The following TMTC1 variants were observed in gnomAD, a reference collection of about 807,000 sequenced individuals.
The protein encoded by TMTC1 is protein O-mannosyl-transferase TMTC1.
A neutral mutation model predicts 104.8 loss-of-function variants in TMTC1; 73 were observed. The observed-to-expected ratio is 0.70, with a 90% CI of 0.58 to 0.85. The LOEUF (loss-of-function observed/expected upper bound fraction) is 0.85. Among genes scored for constraint, TMTC1 ranks in the 40% least tolerant of loss-of-function variants. The probability of loss-of-function intolerance (pLI) is 0.00; values close to 1 mark genes in which losing one functional copy is unlikely to be tolerated. For synonymous variants in TMTC1, 434 were observed against 428.7 expected (o/e 1.01, Z -0.15); for missense variants, 1,035 against 1,096.1 (o/e 0.94, Z 0.79).
At chr12:29,722,285 A>C (rs553735777) in intron 5 of TMTC1, among the ~76,000 whole-genome samples, 13 of 152,288 alleles carry the variant, frequency 8.5e-5, no homozygotes, top group Admixed American at 5.2e-4. Context: ...CATCCACAAA[A>C]GAGCGGTGGT....
intron 5 of TMTC1, among the ~76,000 whole-genome samples, chr12:29,673,800 C>T (rs1479859048): frequency 3.5e-5 from 5 of 141,762 alleles, no homozygotes; most frequent in Non-Finnish European, 6.0e-5. Context: ...GCTCTTGCTG[C>T]CCAGGCTGGG....
rs527907885 is a variant in TMTC1, at chr12:29,587,959, A to G, written c.1251-4385T>C. Among the ~76,000 whole-genome samples the G allele has an allele frequency of 1.2e-4, 18 of 152,298 alleles. No individual in the cohort carries two copies. In the South Asian group the frequency reaches 3.7e-3, roughly 32 times the overall value. On this transcript the variant is annotated intron_variant, in intron 7 of 17. Coordinates refer to ENST00000539277, the MANE Select transcript of TMTC1 (RefSeq NM_001193451.2). The stretch of plus-strand genomic sequence containing the variant: ...TTTTTCTCCATCTTCTGTTCTCTGT[A>G]TCAAGAGCAGAAAAACAAGAGAGAG...
chr12:29,556,084 T>C (rs1945238082), intron 10 of TMTC1, among the ~76,000 whole-genome samples: 1 of 151,986 alleles, frequency 6.6e-6, no homozygotes, highest in African/African-American at 2.4e-5. Flanking sequence ...CTAAATTCCA[T>C]AACTACCACC....
At chr12:29,676,566 C>T (rs1425749930) in intron 5 of TMTC1, among the ~76,000 whole-genome samples, 3 of 152,200 alleles carry the variant, frequency 2.0e-5, no homozygotes, top group Non-Finnish European at 2.9e-5. Context: ...TGCCTGCATT[C>T]CTGCCATAGT....
chr12:29,682,972 G>T (rs1330212254), intron 5 of TMTC1, among the ~76,000 whole-genome samples: 1 of 152,116 alleles, frequency 6.6e-6, no homozygotes, highest in Non-Finnish European at 1.5e-5. Flanking sequence ...CTGAACAAAG[G>T]GGATAGAGAA....
chr12:29,630,575 C>A (rs1412050191), intron 6 of TMTC1, among the ~76,000 whole-genome samples: 1 of 152,150 alleles, frequency 6.6e-6, no homozygotes, highest in Non-Finnish European at 1.5e-5. Flanking sequence ...TTTCACTTAG[C>A]ACCATGTTCA....
intron 5 of TMTC1, among the ~76,000 whole-genome samples, chr12:29,751,362 T>TCCTC (rs1325591073): frequency 6.6e-6 from 1 of 151,956 alleles, no homozygotes; most frequent in Non-Finnish European, 1.5e-5. Context: ...GAGAACGTTC[T>TCCTC]CCTCCCCCAG....
chr12:29,780,805 T>C (rs897026633), intron 1 of TMTC1, among the ~76,000 whole-genome samples: 5 of 152,370 alleles, frequency 3.3e-5, no homozygotes, highest in Middle Eastern at 3.4e-3. Flanking sequence ...GGAATCTCTC[T>C]ATTATTACTT....
Position 29,755,734 on chromosome 12 carries a change from A to G in TMTC1, c.706T>C (p.Ser236Pro), listed in dbSNP as rs1391393216. Residue 236 changes from serine to proline, a missense_variant, in exon 4 of 18, where the codon TCC becomes CCC. Physicochemically the swap from Ser to Pro is moderately conservative, Grantham distance 74. Transcript: ENST00000539277. The part of the protein sequence containing the change: ...FGVCLVYDLF[S>P]LSNKQDKSSN... The stretch of plus-strand genomic sequence containing the variant: ...GACTTGTCTTGCTTGTTGGAAAGGG[A>G]AAAGAGGTCATAAACCAAGCACACT... 6.2e-7 allele frequency: 1 copy of G among 1,613,940 alleles called. No homozygotes were observed. The highest frequency in any genetic ancestry group is 8.5e-7 in the Non-Finnish European group (1 of 1,179,898).
intron 1 of TMTC1, among the ~76,000 whole-genome samples, chr12:29,776,780 C>T (rs1017442426): frequency 6.6e-6 from 1 of 152,152 alleles, no homozygotes; most frequent in African/African-American, 2.4e-5. Flanking sequence ...CAGGGAAGGC[C>T]TCCGGGATGA....
At chr12:29,550,129 C>G (rs989607867) in intron 10 of TMTC1, among the ~76,000 whole-genome samples, 2 of 151,644 alleles carry the variant, frequency 1.3e-5, no homozygotes, top group African/African-American at 2.4e-5. Context: ...TCTAAAAAAG[C>G]TCCTTAAAAG....
chr12:29,583,552 C>T lies in TMTC1; in HGVS notation c.1273G>A (p.Val425Met), dbSNP rs1464793516. Residue 425 changes from valine to methionine, a missense_variant, in exon 8 of 18, where the codon GTG (valine) becomes ATG (methionine). Val to Met is a conservative substitution (Grantham distance 21, BLOSUM62 1). Coordinates refer to ENST00000539277, the MANE Select transcript of TMTC1 (RefSeq NM_001193451.2). ...GTGCAGAGCTTGCTCAGTCCATGCA[C>T]AAAAAGGATGCAGTAGCCCATGCTG... is the stretch of plus-strand genomic sequence containing the variant. ...MPSMGYCILF[V>M]HGLSKLCTWL... is the part of the protein sequence containing the mutation. The T allele has an allele frequency of 3.1e-6, 5 of 1,613,154 alleles. No homozygotes were observed. Among genetic ancestry groups the T allele is most frequent in the Non-Finnish European group, 4.2e-6 (5 of 1,179,540 alleles).
intron 7 of TMTC1, among the ~76,000 whole-genome samples, chr12:29,592,215 C>T (rs1946300676): frequency 6.6e-6 from 1 of 152,172 alleles, no homozygotes; most frequent in Non-Finnish European, 1.5e-5. Flanking sequence ...TTTAGAGAAT[C>T]TAAGTGAAAC....
At chr12:29,698,442 G>A (rs1941488150) in intron 5 of TMTC1, among the ~76,000 whole-genome samples, 2 of 152,084 alleles carry the variant, frequency 1.3e-5, no homozygotes, top group African/African-American at 4.8e-5. Flanking sequence ...TACATTCCAG[G>A]AGGAAATGCT....
rs745930782 is a variant in TMTC1, at chr12:29,604,291, C to T, written c.1137G>A (p.Glu379=). The change falls in exon 7 of 18, where the codon GAG becomes GAA. Residue 379 remains glutamate, a synonymous_variant. Coordinates refer to ENST00000539277, the MANE Select transcript of TMTC1 (RefSeq NM_001193451.2). ...LHCLAAFKRL[E]HKEVLVGLLF... ...ACAAGCCGACTAAAACCTCCTTGTG[C>T]TCCAGTCTCTGAAACACACAATAGT... 104 of 1,613,872 alleles carry T rather than the reference C, an allele frequency of 6.4e-5. No homozygotes were observed. The highest frequency in any genetic ancestry group is 8.3e-5 in the Non-Finnish European group (98 of 1,179,860).
At chr12:29,520,540 G>T in intron 12 of TMTC1, 78 bp downstream of exon 12, 2 of 1,252,856 alleles carry the variant, frequency 1.6e-6, no homozygotes, top group Non-Finnish European at 2.3e-6. Context: ...TACTTCTGAG[G>T]ATTATTTGCC....
At chr12:29,702,377 G>C (rs1457861152) in intron 5 of TMTC1, among the ~76,000 whole-genome samples, 1 of 152,162 alleles carries the variant, frequency 6.6e-6, no homozygotes, top group Non-Finnish European at 1.5e-5. Flanking sequence ...TCACTCCTAA[G>C]CTCACTCATA....
chr12:29,646,176 A>T (rs1215972663), intron 5 of TMTC1, among the ~76,000 whole-genome samples: 1 of 152,190 alleles, frequency 6.6e-6, no homozygotes, highest in Non-Finnish European at 1.5e-5. Flanking sequence ...TCACTCCTTC[A>T]TCAGTGCAGC....
rs114918208 is a variant in TMTC1, at chr12:29,709,454, G to C, written c.938+42212C>G. ...ACAAAACAATACATTGGGTAAGAAA[G>C]TGAAAAGGAAGAAAAGAAAAAATAT... On this transcript the variant is annotated intron_variant, in intron 5 of 17. Coordinates refer to ENST00000539277, the MANE Select transcript of TMTC1 (RefSeq NM_001193451.2). 6.4e-3 allele frequency among the ~76,000 whole-genome samples: 977 copies of C among 152,016 alleles called. 11 individuals carry two copies. Among genetic ancestry groups the C allele is most frequent in the African/African-American group, 0.023 (937 of 41,452 alleles).
Sources: gnomAD v4.1 joint callset for allele counts (sites outside exome capture counted in the v4.1 genomes callset) on GRCh38, gnomAD v4.1.1 for gene constraint, MANE v1.5 for transcripts, NCBI Gene and HGNC (gene_info 2026-07-23, HGNC 2026-07-21) for gene names.